Variants in KLHL41 observed in about 807,000 individuals in gnomAD.
KLHL41 encodes the protein kelch like family member 41, also known as kelch-like protein 41.
In KLHL41, 31 loss-of-function variants were observed where a neutral mutation model predicts 49.2. That is an observed-to-expected ratio of 0.63 (90% confidence interval 0.47 to 0.85). KLHL41 has a LOEUF of 0.85. Ranked by LOEUF, KLHL41 falls within the 40% of genes least tolerant of loss-of-function variation. KLHL41 has a pLI of 0.00. For missense variants in KLHL41, 663 were observed against 726.7 expected (o/e 0.91, Z 1.01); for synonymous variants, 218 against 258.5 (o/e 0.84, Z 1.50).
chr2:169,515,035 CT>C (rs373207430), intron 3 of KLHL41, 74 bp downstream of exon 3: 61,934 of 627,998 alleles, frequency 0.099, no homozygotes, highest in South Asian at 0.13. Flanking sequence ...CTTTTCTTTT[CT>C]TTTTTTTTTT....
chr2:169,520,435 G>A (rs1474119649), intron 4 of KLHL41, among the ~76,000 whole-genome samples: 2 of 151,078 alleles, frequency 1.3e-5, no homozygotes, highest in Non-Finnish European at 2.9e-5. Flanking sequence ...ATGAGCCACC[G>A]AACCCAGCCG....
At position 169,520,003 on chromosome 2, in the gene KLHL41, T is replaced by C. The variant is rs375183581; in HGVS notation, c.1563-858T>C. Among the ~76,000 whole-genome samples the C allele has an allele frequency of 3.9e-5, 6 of 152,148 alleles. No homozygotes were observed. The East Asian group carries it at 5.8e-4, about 15-fold the overall frequency. On this transcript the variant is annotated intron_variant, in intron 4 of 5. Coordinates refer to ENST00000284669, the MANE Select transcript of KLHL41 (RefSeq NM_006063.3). ...TTAGATGCCTGTGCTCCTTGAATTT[T>C]TTTTTCCCCCCTTAAAGACAGGGTT...
At chr2:169,513,302 G>A (rs1342707042) in intron 1 of KLHL41, among the ~76,000 whole-genome samples, 1 of 152,182 alleles carries the variant, frequency 6.6e-6, no homozygotes, top group African/African-American at 2.4e-5. Context: ...AAATGGGGAT[G>A]ATAGAAATGC....
intron 1 of KLHL41, among the ~76,000 whole-genome samples, chr2:169,512,789 A>G (rs1684047572): frequency 6.6e-6 from 1 of 152,100 alleles, no homozygotes; most frequent in Non-Finnish European, 1.5e-5. Context: ...CAGGTTTTAT[A>G]TTTTTCTGCT....
intron 3 of KLHL41, among the ~76,000 whole-genome samples, chr2:169,515,541 GATTTATAATTGTA>G (rs1684103638): frequency 6.6e-6 from 1 of 152,212 alleles, no homozygotes; most frequent in Admixed American, 6.5e-5. Context: ...GTATTTCACT[GATTTATAATTGTA>G]TTTTACTACA....
chr2:169,514,496 A>G, intron 1 of KLHL41, 78 bp from the exon 2 acceptor site: 2 of 1,228,508 alleles, frequency 1.6e-6, no homozygotes, highest in Non-Finnish European at 2.3e-6. Context: ...TAAACAACAT[A>G]TAAAGTATAA....
Position 169,525,579 on chromosome 2 carries a change from C to CATCA in KLHL41, c.1710-5_1710-2dup. The CATCA allele has an allele frequency of 1.9e-6, 3 of 1,553,830 alleles. No homozygotes were observed. Among genetic ancestry groups the CATCA allele is most frequent in the Non-Finnish European group, 2.7e-6 (3 of 1,127,016 alleles). Reference sequence around the variant, plus strand: ...CTTATTGATTACTTTTTTTTTCCTCCATCAGGTATGAAGATGATAAAAAAG... The same window carrying CATCA: ...CTTATTGATTACTTTTTTTTTCCTCCATCAATCAGGTATGAAGATGATAAAAAAG... On this transcript the variant is annotated splice_region_variant and splice_polypyrimidine_tract_variant and intron_variant, in intron 5 of 5. Transcript: ENST00000284669.
rs377040176 is a variant in KLHL41 at position 169,518,388 on chromosome 2, A to T, written c.1562+13A>T. On this transcript the variant is annotated intron_variant, in intron 4 of 5. Transcript: ENST00000284669. ...TTACAACAAATAAGTGAGTTGCCAC[A>T]TCTTAGTATATAGCATGTGAACAAC... The T allele has an allele frequency of 2.4e-5, 37 of 1,572,906 alleles. No individual in the cohort carries two copies. The highest frequency in any genetic ancestry group is 5.4e-5 in the African/African-American group (4 of 73,748).
At position 169,521,018 on chromosome 2, in the gene KLHL41, A is replaced by G; in HGVS notation, c.1709+11A>G. On this transcript the variant is annotated intron_variant, in intron 5 of 5. Transcript: ENST00000284669. Reference sequence around the variant, plus strand: ...CAATGACATATGGAAGTAAGTTCTCATCACTTCAATTTTCAGAATCACATA... The same window carrying G: ...CAATGACATATGGAAGTAAGTTCTCGTCACTTCAATTTTCAGAATCACATA... 1 of 1,606,896 alleles carries G rather than the reference A, an allele frequency of 6.2e-7. No homozygotes were observed.
In KLHL41 at chr2:169,514,886, C is replaced by G; in HGVS notation, c.1301C>G (p.Pro434Arg). The change falls in exon 3 of 6, where the codon CCT becomes CGT. Residue 434 changes from proline (P) to arginine (R), a missense_variant. Coordinates refer to ENST00000284669, the MANE Select transcript of KLHL41 (RefSeq NM_006063.3). ...AAKWNEVKKLPIKVYGHNVIS... is the reference protein window; with the variant it reads ...AAKWNEVKKLRIKVYGHNVIS... ...AAATGGAACGAAGTAAAAAAACTCC[C>G]TATCAAAGTCTATGGCCATAATGTG... is the stretch of plus-strand genomic sequence containing the variant. 6.2e-7 allele frequency: 1 copy of G among 1,610,088 alleles called. No homozygotes were observed. The highest frequency in any genetic ancestry group is 1.1e-5 in the South Asian group (1 of 89,864).
chr2:169,515,030 C>CTT, intron 3 of KLHL41, 69 bp downstream of exon 3: 8 of 842,006 alleles, frequency 9.5e-6, no homozygotes, highest in Admixed American at 3.3e-5. Context: ...TTCCTCTTTT[C>CTT]TTTTCTTTTT....
intron 5 of KLHL41, among the ~76,000 whole-genome samples, chr2:169,521,408 A>T (rs1004695876): frequency 1.3e-5 from 2 of 152,080 alleles, no homozygotes; most frequent in African/African-American, 4.8e-5. Context: ...TTTTATTTTT[A>T]TTTTTTTGAG....
chr2:169,517,043 C>T (rs1684127440), intron 3 of KLHL41, among the ~76,000 whole-genome samples: 1 of 151,944 alleles, frequency 6.6e-6, no homozygotes, highest in Non-Finnish European at 1.5e-5. Flanking sequence ...AAAGTAAGTG[C>T]TGAATTGCAC....
Position 169,510,600 on chromosome 2 carries a change from G to T in KLHL41, c.822G>T (p.Gly274=). ...CTAGCAAAAATGCCGCGAAGACTGG[G>T]GCTGGTGAGGTGAATGGTGATGTTG... ...PEPSKNAAKT[G]AGEVNGDVGD... Residue 274 remains glycine, a synonymous_variant, in exon 1 of 6, where the codon GGG becomes GGT. Coordinates refer to ENST00000284669, the MANE Select transcript of KLHL41 (RefSeq NM_006063.3). This position sits in a 1 kb window ranked among gnomAD's most constrained non-coding sequence, Gnocchi z 4.2. 6.2e-7 allele frequency: 1 copy of T among 1,614,152 alleles called. No individual in the cohort carries two copies. The highest frequency in any genetic ancestry group is 8.5e-7 in the Non-Finnish European group (1 of 1,180,032).
In KLHL41 at chr2:169,525,749, C is replaced by A; in HGVS notation, c.*53C>A. ...GAGGTGGTTTGTTTGGTGAATGGGG[C>A]TTTAATTTATTCTGTTTTTTAAAAG... On this transcript the variant is annotated 3_prime_UTR_variant, in exon 6 of 6. Transcript: ENST00000284669. 1 of 979,262 alleles carries A rather than the reference C, an allele frequency of 1.0e-6. No homozygotes were observed. The highest frequency in any genetic ancestry group is 1.6e-6 in the Non-Finnish European group (1 of 618,104). The allele number at this position is 979,262 out of a possible 1,614,324, so 60.7% of individuals were successfully genotyped here. A position where few individuals can be genotyped will look rare whatever the true frequency, so the allele number is the denominator to read the frequency against.
At chr2:169,525,513 T>A in intron 5 of KLHL41, 72 bp from the exon 6 acceptor site, 1 of 921,926 alleles carries the variant, frequency 1.1e-6, no homozygotes, top group Non-Finnish European at 1.8e-6. Flanking sequence ...AAGATCCACA[T>A]TTGTATTCTG....
Position 169,509,924 on chromosome 2 carries a change from T to G in KLHL41, c.146T>G (p.Leu49Trp). The G allele has an allele frequency of 6.2e-7, 1 of 1,614,182 alleles. No homozygotes were observed. The highest frequency in any genetic ancestry group is 8.5e-7 in the Non-Finnish European group (1 of 1,180,026). ...GACAAAAGTCTTCCTTGCCACAGAT[T>G]GATTTTGTCAGCTTGTAGTCCTTAC... The part of the protein sequence containing the change: ...AGDKSLPCHR[L>W]ILSACSPYFR... Residue 49 changes from leucine to tryptophan, a missense_variant, in exon 1 of 6, where the codon TTG becomes TGG. By Grantham distance (61) the Leu-to-Trp change is moderately conservative (BLOSUM62 -2). Coordinates refer to ENST00000284669, the MANE Select transcript of KLHL41 (RefSeq NM_006063.3).
chr2:169,520,718 G>A, intron 4 of KLHL41, 143 bp from the exon 5 acceptor site: 1 of 626,058 alleles, frequency 1.6e-6, no homozygotes, highest in Non-Finnish European at 2.7e-6. Flanking sequence ...CTCCCAAAGT[G>A]CTGGGATTAC....
At chr2:169,513,241 G>A (rs1684057240) in intron 1 of KLHL41, among the ~76,000 whole-genome samples, 1 of 152,130 alleles carries the variant, frequency 6.6e-6, no homozygotes, top group Non-Finnish European at 1.5e-5. Context: ...AAAGTTCTGT[G>A]TATTTGGGAA....
Sources: allele counts gnomAD v4.1 joint callset (sites outside exome capture counted in the v4.1 genomes callset), GRCh38; gene constraint gnomAD v4.1.1; non-coding constraint Gnocchi (gnomAD v3.1); transcripts MANE v1.5; gene names NCBI Gene and HGNC (gene_info 2026-07-23, HGNC 2026-07-21).